The following TMTC1 variants were observed in gnomAD, a reference collection of about 807,000 sequenced individuals.
TMTC1 encodes the protein protein O-mannosyl-transferase TMTC1.
In TMTC1, 73 loss-of-function variants were observed where a neutral mutation model predicts 104.8. The ratio of observed to expected loss-of-function variants is 0.70; its 90% CI spans 0.58 to 0.85. TMTC1 has a LOEUF of 0.85. TMTC1 is among the 40% of genes least tolerant of loss of function. The pLI, the probability that TMTC1 is intolerant of heterozygous loss-of-function variation, is 0.00. For missense variants in TMTC1, 1,035 were observed against 1,096.1 expected, an observed-to-expected ratio of 0.94 and a Z score of 0.79; for synonymous variants, 434 against 428.7, an observed-to-expected ratio of 1.01 and a Z score of -0.15.
At chr12:29,595,071 T>G (rs1946372508) in intron 7 of TMTC1, among the ~76,000 whole-genome samples, 1 of 152,230 alleles carries the variant, frequency 6.6e-6, no homozygotes, top group Non-Finnish European at 1.5e-5. Flanking sequence ...ACTTCTCACA[T>G]GTATTATTGT....
chr12:29,745,783 A>G (rs1014122210), intron 5 of TMTC1, among the ~76,000 whole-genome samples: 1 of 152,170 alleles, frequency 6.6e-6, no homozygotes, highest in Non-Finnish European at 1.5e-5. Context: ...CTTTAATTAT[A>G]CTGGTTAGTT....
intron 7 of TMTC1, among the ~76,000 whole-genome samples, chr12:29,586,772 C>T (rs1423768019): frequency 6.8e-6 from 1 of 147,496 alleles, no homozygotes; most frequent in Non-Finnish European, 1.5e-5. Context: ...GCCTTGCATC[C>T]CAGGAATGAA....
intron 5 of TMTC1, among the ~76,000 whole-genome samples, chr12:29,655,304 T>C (rs544924315): frequency 2.6e-5 from 4 of 152,232 alleles, no homozygotes; most frequent in African/African-American, 7.2e-5. Flanking sequence ...ATTTAAAAAA[T>C]TGGGATTTTT....
At chr12:29,703,695 G>A (rs1229549343) in intron 5 of TMTC1, among the ~76,000 whole-genome samples, 1 of 152,126 alleles carries the variant, frequency 6.6e-6, no homozygotes, top group Non-Finnish European at 1.5e-5. Context: ...TCCACCCCCT[G>A]ACTGTTTTAT....
At position 29,783,426 on chromosome 12, in the gene TMTC1, G is replaced by A. The variant is rs1331422759; in HGVS notation, c.302+24C>T. On this transcript the variant is annotated intron_variant, in intron 1 of 17. Coordinates refer to ENST00000539277, the MANE Select transcript of TMTC1 (RefSeq NM_001193451.2). This position sits in a 1 kb window ranked among gnomAD's most constrained non-coding sequence, Gnocchi z 4.7. ...GCGGAGGGTAGAGGAGGCAGCGGCG[G>A]CTAGCGCGAGGTGAGGGACTCACTT... 7.8e-7 allele frequency: 1 copy of A among 1,287,030 alleles called. No individual in the cohort carries two copies. Among genetic ancestry groups the A allele is most frequent in the East Asian group, 3.1e-5 (1 of 31,970 alleles). 79.7% of individuals were successfully genotyped at this position (1,287,030 alleles called of 1,614,324 possible).
At chr12:29,770,596 C>A (rs947613003) in intron 1 of TMTC1, among the ~76,000 whole-genome samples, 1 of 152,084 alleles carries the variant, frequency 6.6e-6, no homozygotes, top group Non-Finnish European at 1.5e-5. Flanking sequence ...AATTAGATCC[C>A]AAAATATAAA....
intron 5 of TMTC1, among the ~76,000 whole-genome samples, chr12:29,676,977 G>A (rs79413323): frequency 0.079 from 12,012 of 152,144 alleles, 673 homozygotes; most frequent in South Asian, 0.17. Context: ...ATTCACATCA[G>A]GCCCTCCAGA....
At position 29,562,575 on chromosome 12, in the gene TMTC1, G is replaced by T. The variant is rs554691711; in HGVS notation, c.1533-5575C>A. Among the ~76,000 whole-genome samples the T allele has an allele frequency of 4.6e-5, 7 of 152,290 alleles. No homozygotes were observed. The South Asian group carries it at 1.2e-3, about 27-fold the overall frequency. ...AGGCTTGGGGTGAACTTTGGTTTTT[G>T]TGGCAGAATAGATAGGAAACTGCTT... is the stretch of plus-strand genomic sequence containing the variant. On this transcript the variant is annotated intron_variant, in intron 9 of 17. Coordinates refer to ENST00000539277, the MANE Select transcript of TMTC1 (RefSeq NM_001193451.2).
intron 5 of TMTC1, among the ~76,000 whole-genome samples, chr12:29,654,230 A>C (rs78203137): frequency 0.038 from 5,788 of 152,312 alleles, 160 homozygotes; most frequent in Admixed American, 0.066. Flanking sequence ...TATTAAGAAA[A>C]ATGTTACAAC....
chr12:29,556,805 G>C, intron 10 of TMTC1, 52 bp downstream of exon 10: 1 of 1,608,972 alleles, frequency 6.2e-7, no homozygotes, highest in South Asian at 1.1e-5. Context: ...GAGAAGGAAA[G>C]AGTTTCTTGG....
chr12:29,523,902 T>C lies in TMTC1; in HGVS notation c.1786-3182A>G, dbSNP rs115454592. Reference sequence around the variant, plus strand: ...GTTTGGTCTGGTCTGCTGGGGCCTATTGTATGAACTCAGTCCAAAATAATG... The same window carrying C: ...GTTTGGTCTGGTCTGCTGGGGCCTACTGTATGAACTCAGTCCAAAATAATG... On this transcript the variant is annotated intron_variant, in intron 11 of 17. Transcript: ENST00000539277. 1.7e-3 allele frequency among the ~76,000 whole-genome samples: 258 copies of C among 152,262 alleles called. 1 individual carries two copies. The highest frequency in any genetic ancestry group is 5.7e-3 in the African/African-American group (238 of 41,556).
At chr12:29,721,083 TA>T (rs1172241194) in intron 5 of TMTC1, among the ~76,000 whole-genome samples, 1 of 152,198 alleles carries the variant, frequency 6.6e-6, no homozygotes, top group Non-Finnish European at 1.5e-5. Flanking sequence ...AATGATATTT[TA>T]AATATACAAA....
chr12:29,744,809 A>G (rs1942909579), intron 5 of TMTC1, among the ~76,000 whole-genome samples: 1 of 152,260 alleles, frequency 6.6e-6, no homozygotes, highest in African/African-American at 2.4e-5. Context: ...TAAGTAACCC[A>G]CCAAAGAACA....
Position 29,726,583 on chromosome 12 carries a change from C to G in TMTC1, c.938+25083G>C, listed in dbSNP as rs187596559. Among the ~76,000 whole-genome samples the G allele has an allele frequency of 1.2e-4, 19 of 152,264 alleles. No homozygotes were observed. In the East Asian group the frequency reaches 3.3e-3, roughly 26 times the overall value. ...GCCTTTCTCCAGGAGGGCAACCAAC[C>G]CTAGACTCTCTTCAGTTGTTTGGGA... On this transcript the variant is annotated intron_variant, in intron 5 of 17. Transcript: ENST00000539277.
intron 7 of TMTC1, among the ~76,000 whole-genome samples, chr12:29,583,907 C>G (rs187904569): frequency 1.6e-4 from 25 of 152,276 alleles, no homozygotes; most frequent in Admixed American, 3.3e-4. Flanking sequence ...GCTCCTCTGA[C>G]CCAAGCTCCC....
At chr12:29,782,684 C>A (rs1943861079) in intron 1 of TMTC1, 1 of 152,164 alleles carries the variant, frequency 6.6e-6, no homozygotes, top group Admixed American at 6.5e-5. Flanking sequence ...AAAAACCTGG[C>A]ATATTCTCGG....
intron 5 of TMTC1, among the ~76,000 whole-genome samples, chr12:29,636,576 T>C (rs1234120177): frequency 6.6e-6 from 1 of 152,084 alleles, no homozygotes; most frequent in Non-Finnish European, 1.5e-5. Context: ...TCCCAGCACT[T>C]TGGGAGGCCG....
At chr12:29,712,152 T>TC (rs1941948624) in intron 5 of TMTC1, among the ~76,000 whole-genome samples, 3 of 152,068 alleles carry the variant, frequency 2.0e-5, no homozygotes, top group Middle Eastern at 6.8e-3. Flanking sequence ...GGAAGAAAGT[T>TC]CCCCAAATTA....
At chr12:29,654,720 C>CAAA (rs34793977) in intron 5 of TMTC1, among the ~76,000 whole-genome samples, 3,858 of 141,160 alleles carry the variant, frequency 0.027, 86 homozygotes, top group African/African-American at 0.066. Flanking sequence ...CCATTTTTAT[C>CAAA]AAAAAAAAAA....
Sources: gnomAD v4.1 joint callset for allele counts (sites outside exome capture counted in the v4.1 genomes callset) on GRCh38, gnomAD v4.1.1 for gene constraint, Gnocchi (gnomAD v3.1) non-coding constraint, MANE v1.5 for transcripts, NCBI Gene and HGNC (gene_info 2026-07-23, HGNC 2026-07-21) for gene names.